The following USP6NL variants were observed in gnomAD, a reference collection of about 807,000 sequenced individuals.
The protein encoded by USP6NL is USP6 N-terminal like.
In USP6NL, 26 loss-of-function variants were observed where a neutral mutation model predicts 61.9. The observed-to-expected ratio is 0.42, with a 90% CI of 0.31 to 0.58. The LOEUF is 0.58. Ranked by LOEUF, USP6NL falls within the 20% of genes least tolerant of loss-of-function variation. The probability of loss-of-function intolerance (pLI) is 0.16; values close to 1 mark genes in which losing one functional copy is unlikely to be tolerated. For missense variants in USP6NL, 1,114 were observed against 1,034.3 expected (o/e 1.08, Z -1.06); for synonymous variants, 432 against 390.1 (o/e 1.11, Z -1.27).
rs562021211 is a variant in USP6NL at position 11,461,460 on chromosome 10, C to G, written c.*981G>C. 2 of 152,254 alleles carry G rather than the reference C, an allele frequency of 1.3e-5. No homozygotes were observed. Among genetic ancestry groups the G allele is most frequent in the African/African-American group, 4.8e-5 (2 of 41,546 alleles). The allele number at this position is 152,254 out of a possible 1,614,324, so 9.4% of individuals were successfully genotyped here. A position where few individuals can be genotyped will look rare whatever the true frequency, so the allele number is the denominator to read the frequency against. ...AGAAATGGATTGTATAAATGGCCACCCTGGGACCTTCGTGGGGAGAAGCCA... is the reference window on the plus strand; with the variant it reads ...AGAAATGGATTGTATAAATGGCCACGCTGGGACCTTCGTGGGGAGAAGCCA... On this transcript the variant is annotated 3_prime_UTR_variant, in exon 15 of 15. Transcript: ENST00000609104.
intron 3 of USP6NL, among the ~76,000 whole-genome samples, chr10:11,526,497 T>C (rs1326122300): frequency 1.3e-5 from 2 of 152,148 alleles, no homozygotes; most frequent in African/African-American, 4.8e-5. Context: ...AGTGAAGCAG[T>C]TAAATAAGTT....
chr10:11,463,049 C>T lies in USP6NL; in HGVS notation c.1879G>A (p.Ala627Thr), dbSNP rs377749402. 9.3e-6 allele frequency: 15 copies of T among 1,614,030 alleles called. No individual in the cohort carries two copies. In the Middle Eastern group the frequency reaches 4.9e-4, roughly 53 times the overall value. Residue 627 changes from alanine to threonine, a missense_variant, in exon 15 of 15, where the codon GCT (alanine) becomes ACT (threonine). Ala to Thr is a moderately conservative substitution (Grantham distance 58). Coordinates refer to ENST00000609104, the MANE Select transcript of USP6NL (RefSeq NM_014688.5). The surrounding 1 kb of genome is among the most constrained non-coding windows in gnomAD (Gnocchi z 6.3). ...SQLDGEARGL[A>T]HPPSYSNPPV... ...GGATTGCTGTAGGAGGGGGGATGAGCTAGCCCTCGGGCTTCCCCATCTAGC... is the reference window on the plus strand; with the variant it reads ...GGATTGCTGTAGGAGGGGGGATGAGTTAGCCCTCGGGCTTCCCCATCTAGC...
At chr10:11,519,883 T>C (rs535278914) in intron 4 of USP6NL, among the ~76,000 whole-genome samples, 16 of 152,346 alleles carry the variant, frequency 1.1e-4, no homozygotes, top group African/African-American at 3.6e-4. Context: ...ACACTATGTT[T>C]ATATTCTTGC....
At chr10:11,580,206 C>T (rs1837705400) in intron 2 of USP6NL, among the ~76,000 whole-genome samples, 1 of 152,090 alleles carries the variant, frequency 6.6e-6, no homozygotes, top group Non-Finnish European at 1.5e-5. Context: ...CCTATTATAG[C>T]TTTAGACTCA....
chr10:11,572,380 A>G (rs1055734326), intron 2 of USP6NL, among the ~76,000 whole-genome samples: 3 of 152,108 alleles, frequency 2.0e-5, no homozygotes, highest in Non-Finnish European at 4.4e-5. Flanking sequence ...ACTGTAAAGT[A>G]TCCTAAATAA....
At chr10:11,527,636 C>T (rs1306392882) in intron 2 of USP6NL, 69 bp from the exon 3 acceptor site, 2 of 1,378,142 alleles carry the variant, frequency 1.5e-6, no homozygotes, top group African/African-American at 2.9e-5. Flanking sequence ...AATTATGAAA[C>T]TAAGACATAA....
In USP6NL at chr10:11,528,477, G is replaced by A. The variant is rs1331998675; in HGVS notation, c.5-910C>T. Among the ~76,000 whole-genome samples, 3 of 152,052 alleles carry A rather than the reference G, an allele frequency of 2.0e-5. No individual in the cohort carries two copies. Among genetic ancestry groups the A allele is most frequent in the Non-Finnish European group, 4.4e-5 (3 of 68,014 alleles). On this transcript the variant is annotated intron_variant, in intron 2 of 14. Transcript: ENST00000609104. The surrounding 1 kb of genome is among the most constrained non-coding windows in gnomAD (Gnocchi z 4.6). ...ACTGTGCTAATAAGCACTTTACCCT[G>A]CCTTACCACATGACACTCTAAGGTA... is the stretch of plus-strand genomic sequence containing the variant.
In USP6NL at chr10:11,470,876, T is replaced by C. The variant is rs1433457494; in HGVS notation, c.1079-7027A>G. ...CATGCCTAAAATTTTATTTTCCCTT[T>C]CCTCTCCCTAAAAACACAGGAATTG... is the stretch of plus-strand genomic sequence containing the variant. On this transcript the variant is annotated intron_variant, in intron 14 of 14. Transcript: ENST00000609104. This position sits in a 1 kb window ranked among gnomAD's most constrained non-coding sequence, Gnocchi z 5.4. Among the ~76,000 whole-genome samples the C allele has an allele frequency of 6.6e-6, 1 of 152,296 alleles. No homozygotes were observed. The highest frequency in any genetic ancestry group is 1.9e-4 in the East Asian group (1 of 5,180).
chr10:11,492,188 G>T (rs1833732826), intron 8 of USP6NL, among the ~76,000 whole-genome samples: 1 of 152,214 alleles, frequency 6.6e-6, no homozygotes, highest in Admixed American at 6.5e-5. Flanking sequence ...ATGTTAGATG[G>T]AAGGATGACT....
chr10:11,501,694 T>C (rs1236584612), intron 6 of USP6NL, among the ~76,000 whole-genome samples: 1 of 152,196 alleles, frequency 6.6e-6, no homozygotes, highest in Non-Finnish European at 1.5e-5. Flanking sequence ...ACCTTCTCAC[T>C]GGTCTCTCAG....
At chr10:11,593,419 T>C (rs1486214438) in intron 2 of USP6NL, among the ~76,000 whole-genome samples, 1 of 152,188 alleles carries the variant, frequency 6.6e-6, no homozygotes, top group Non-Finnish European at 1.5e-5. Context: ...TTGTGACCAT[T>C]TATATTATGG....
At chr10:11,533,787 A>C (rs1288584879) in intron 2 of USP6NL, among the ~76,000 whole-genome samples, 1 of 152,242 alleles carries the variant, frequency 6.6e-6, no homozygotes, top group African/African-American at 2.4e-5. Flanking sequence ...TTACAGCAGC[A>C]TGAAAACACA....
chr10:11,581,929 C>T (rs986405479), intron 2 of USP6NL, among the ~76,000 whole-genome samples: 5 of 152,074 alleles, frequency 3.3e-5, no homozygotes, highest in African/African-American at 1.2e-4. Flanking sequence ...CCCACCACCA[C>T]GCCGGGCTAA....
chr10:11,489,337 G>T lies in USP6NL; in HGVS notation c.544-115C>A. 1 of 1,340,336 alleles carries T rather than the reference G, an allele frequency of 7.5e-7. No individual in the cohort carries two copies. The highest frequency in any genetic ancestry group is 1.0e-6 in the Non-Finnish European group (1 of 986,692). The allele number at this position is 1,340,336 out of a possible 1,614,324, so 83.0% of individuals were successfully genotyped here. ...AAATGCCTACACACATCATTTAATG[G>T]TCCATTCTAGAGACAAATACTATAC... On this transcript the variant is annotated intron_variant, in intron 9 of 14. Coordinates refer to ENST00000609104, the MANE Select transcript of USP6NL (RefSeq NM_014688.5). This position sits in a 1 kb window ranked among gnomAD's most constrained non-coding sequence, Gnocchi z 5.7.
intron 1 of USP6NL, among the ~76,000 whole-genome samples, chr10:11,605,114 C>T (rs751647073): frequency 7.2e-5 from 11 of 152,040 alleles, no homozygotes; most frequent in Non-Finnish European, 1.6e-4. Context: ...GTGAAATTAC[C>T]AGCCACCATC....
In USP6NL at chr10:11,463,118, T is replaced by C; in HGVS notation, c.1810A>G (p.Thr604Ala). Residue 604 changes from threonine (T) to alanine (A), a missense_variant, in exon 15 of 15, where the codon ACT becomes GCT. By Grantham distance (58) the Thr-to-Ala change is moderately conservative (BLOSUM62 0). Coordinates refer to ENST00000609104, the MANE Select transcript of USP6NL (RefSeq NM_014688.5). This position sits in a 1 kb window ranked among gnomAD's most constrained non-coding sequence, Gnocchi z 6.3. ...SSPSKVSNKFTFKVQPPSHAR... is the reference protein window; with the variant it reads ...SSPSKVSNKFAFKVQPPSHAR... The stretch of plus-strand genomic sequence containing the variant: ...TGACTTGGAGGCTGTACTTTAAAAG[T>C]AAACTTGTTGGATACTTTTGATGGA... The C allele has an allele frequency of 3.1e-6, 5 of 1,614,004 alleles. No homozygotes were observed. Among genetic ancestry groups the C allele is most frequent in the South Asian group, 1.1e-5 (1 of 91,090 alleles).
intron 6 of USP6NL, among the ~76,000 whole-genome samples, chr10:11,505,673 T>C (rs1325034578): frequency 1.3e-5 from 2 of 152,212 alleles, no homozygotes; most frequent in South Asian, 2.1e-4. Context: ...TAAAAATCTA[T>C]GGACTTAAAA....
intron 14 of USP6NL, among the ~76,000 whole-genome samples, chr10:11,466,539 TATGAGG>T (rs1229166303): frequency 6.6e-6 from 1 of 152,222 alleles, no homozygotes; most frequent in African/African-American, 2.4e-5. Context: ...ATAGATCCGC[TATGAGG>T]ATAAGAGTTA....
rs772831978 is a variant in USP6NL at position 11,495,431 on chromosome 10, C to T, written c.385-2203G>A. Among the ~76,000 whole-genome samples, 6 of 152,178 alleles carry T rather than the reference C, an allele frequency of 3.9e-5. No individual in the cohort carries two copies. The highest frequency in any genetic ancestry group is 7.2e-5 in the African/African-American group (3 of 41,436). ...CAGCACCTGGATGGCTTGCCGCCCA[C>T]ACCCTCCCTCCATTCCCATTTTCTT... is the stretch of plus-strand genomic sequence containing the variant. On this transcript the variant is annotated intron_variant, in intron 7 of 14. Coordinates refer to ENST00000609104, the MANE Select transcript of USP6NL (RefSeq NM_014688.5). The surrounding 1 kb of genome is among the most constrained non-coding windows in gnomAD (Gnocchi z 4.6).
Sources: allele counts gnomAD v4.1 joint callset (sites outside exome capture counted in the v4.1 genomes callset), GRCh38; gene constraint gnomAD v4.1.1; non-coding constraint Gnocchi (gnomAD v3.1); transcripts MANE v1.5; gene names NCBI Gene and HGNC (gene_info 2026-07-23, HGNC 2026-07-21).